The following OR51L1 variants were observed in gnomAD, a reference collection of about 807,000 sequenced individuals.
The protein encoded by OR51L1 is olfactory receptor 51L1.
A neutral mutation model predicts 1.4 loss-of-function variants in OR51L1; 1 was observed. The ratio of observed to expected loss-of-function variants is 0.72; its 90% CI spans 0.26 to 3.42. The LOEUF is 3.42. OR51L1 is among the 30% of genes most tolerant of loss of function. The probability of loss-of-function intolerance (pLI) is 0.20; values close to 1 mark genes in which losing one functional copy is unlikely to be tolerated. For synonymous variants in OR51L1, 156 were observed against 144.2 expected (o/e 1.08, Z -0.59); for missense variants, 378 against 380.0 (o/e 0.99, Z 0.04).
rs1402390103 is a variant in OR51L1 at position 4,999,309 on chromosome 11, C to T, written c.327C>T (p.Phe109=). 1.2e-6 allele frequency: 2 copies of T among 1,614,184 alleles called. No individual in the cohort carries two copies. The highest frequency in any genetic ancestry group is 2.2e-5 in the East Asian group (1 of 44,866). ...CYAQLFFIHT[F]TFLESSVLLA... is the part of the protein sequence containing the mutation. The stretch of plus-strand genomic sequence containing the variant: ...CTCAGCTGTTCTTCATCCACACATT[C>T]ACATTCCTGGAGTCCTCAGTGTTGC... Residue 109 remains phenylalanine, a synonymous_variant, in exon 3 of 3, where the codon TTC becomes TTT. Coordinates refer to ENST00000641819, the MANE Select transcript of OR51L1 (RefSeq NM_001004755.2).
At chr11:4,996,941 G>C (rs1847078801) in intron 1 of OR51L1, among the ~76,000 whole-genome samples, 1 of 152,054 alleles carries the variant, frequency 6.6e-6, no homozygotes, top group South Asian at 2.1e-4. Context: ...AAGTCAGCTA[G>C]TGATATGGAA....
At position 5,001,515 on chromosome 11, in the gene OR51L1, A is replaced by G. The variant is rs1046337899; in HGVS notation, c.*1585A>G. The stretch of plus-strand genomic sequence containing the variant: ...TGTGTCTTAATTTGTGAATGGGTTA[A>G]GAGTTGTGCACAATCTCAACCCTCA... On this transcript the variant is annotated 3_prime_UTR_variant, in exon 3 of 3. Transcript: ENST00000641819. 7.2e-5 allele frequency: 11 copies of G among 152,208 alleles called. No individual in the cohort carries two copies. The highest frequency in any genetic ancestry group is 1.3e-4 in the Admixed American group (2 of 15,282). 9.4% of individuals were successfully genotyped at this position (152,208 alleles called of 1,614,324 possible).
At position 5,003,197 on chromosome 11, in the gene OR51L1, T is replaced by C. The variant is rs2445295; in HGVS notation, c.*3267T>C. The C allele has an allele frequency of 0.07, 10,704 of 152,250 alleles. 581 individuals carry two copies. Among genetic ancestry groups the C allele is most frequent in the East Asian group, 0.27 (1,389 of 5,154 alleles). The allele number at this position is 152,250 out of a possible 1,614,324, so 9.4% of individuals were successfully genotyped here. ...TGAAGGACAAGTGCTGTGTTTAACC[T>C]TAATCCTAGGACCTTATAGTCTGGC... On this transcript the variant is annotated 3_prime_UTR_variant, in exon 3 of 3. Coordinates refer to ENST00000641819, the MANE Select transcript of OR51L1 (RefSeq NM_001004755.2).
Position 5,001,025 on chromosome 11 carries a change from G to T in OR51L1, c.*1095G>T, listed in dbSNP as rs10837110. On this transcript the variant is annotated 3_prime_UTR_variant, in exon 3 of 3. Transcript: ENST00000641819. ...CCTCCTAGGTTCAAGCAATTCTCCT[G>T]CCCCAGCCTCCCGAATAGCTGGGAT... 0.08 allele frequency: 12,166 copies of T among 152,326 alleles called. 624 individuals are homozygous for T. Among genetic ancestry groups the T allele is most frequent in the East Asian group, 0.17 (896 of 5,176 alleles). The allele number at this position is 152,326 out of a possible 1,614,324, so 9.4% of individuals were successfully genotyped here.
At position 4,999,313 on chromosome 11, in the gene OR51L1, TTCCTG is replaced by T; in HGVS notation, c.332_336del (p.Phe111Ter). 1 of 1,614,174 alleles carries T rather than the reference TTCCTG, an allele frequency of 6.2e-7. No homozygotes were observed. The stretch of plus-strand genomic sequence containing the variant: ...GCTGTTCTTCATCCACACATTCACA[TTCCTG>T]GAGTCCTCAGTGTTGCTGGCCATGG... On this transcript the variant is annotated frameshift_variant, in exon 3 of 3. Coordinates refer to ENST00000641819, the MANE Select transcript of OR51L1 (RefSeq NM_001004755.2). LOFTEE classifies it low-confidence loss of function (END_TRUNC).
Position 5,004,442 on chromosome 11 carries a change from T to C in OR51L1, c.*4512T>C, listed in dbSNP as rs1589829987. 2 of 152,230 alleles carry C rather than the reference T, an allele frequency of 1.3e-5. No homozygotes were observed. Among genetic ancestry groups the C allele is most frequent in the African/African-American group, 2.4e-5 (1 of 41,556 alleles). The allele number at this position is 152,230 out of a possible 1,614,324, so 9.4% of individuals were successfully genotyped here. ...TGGAAACACCCCTCCAGGGTCCAAATAGGTTATTTGGGAAGCCAGTCCCTA... is the reference window on the plus strand; with the variant it reads ...TGGAAACACCCCTCCAGGGTCCAAACAGGTTATTTGGGAAGCCAGTCCCTA... On this transcript the variant is annotated 3_prime_UTR_variant, in exon 3 of 3. Transcript: ENST00000641819.
chr11:4,996,721 T>TTTCTTTCTTTCTTTCTTTCTTTC (rs1554896493), intron 1 of OR51L1, among the ~76,000 whole-genome samples: 8 of 106,356 alleles, frequency 7.5e-5, no homozygotes, highest in African/African-American at 1.1e-4. Context: ...CTTTCTTTTC[T>TTTCTTTCTTTCTTTCTTTCTTTC]TTTCTTTCTT....
intron 1 of OR51L1, among the ~76,000 whole-genome samples, chr11:4,996,071 G>A (rs774176853): frequency 3.3e-5 from 5 of 152,022 alleles, no homozygotes; most frequent in Non-Finnish European, 7.4e-5. Flanking sequence ...ACTCTTTTCA[G>A]GTGAGGGATA....
chr11:4,996,468 G>A (rs745405734), intron 1 of OR51L1, among the ~76,000 whole-genome samples: 13 of 152,056 alleles, frequency 8.5e-5, no homozygotes, highest in Non-Finnish European at 1.8e-4. Context: ...TCTGCACATA[G>A]GGGACTTGCA....
At position 5,001,035 on chromosome 11, in the gene OR51L1, C is replaced by T. The variant is rs538512996; in HGVS notation, c.*1105C>T. 8 of 152,434 alleles carry T rather than the reference C, an allele frequency of 5.2e-5. No individual in the cohort carries two copies. The East Asian group carries it at 1.5e-3, about 29-fold the overall frequency. 9.4% of individuals were successfully genotyped at this position (152,434 alleles called of 1,614,324 possible). A position where few individuals can be genotyped will look rare whatever the true frequency, so the allele number is the denominator to read the frequency against. ...TCAAGCAATTCTCCTGCCCCAGCCT[C>T]CCGAATAGCTGGGATGACAGGTCTG... On this transcript the variant is annotated 3_prime_UTR_variant, in exon 3 of 3. Coordinates refer to ENST00000641819, the MANE Select transcript of OR51L1 (RefSeq NM_001004755.2).
rs1389387014 is a variant in OR51L1, at chr11:5,004,086, G to T, written c.*4156G>T. On this transcript the variant is annotated 3_prime_UTR_variant, in exon 3 of 3. Coordinates refer to ENST00000641819, the MANE Select transcript of OR51L1 (RefSeq NM_001004755.2). Reference sequence around the variant, plus strand: ...AGACAACGCTGAGTAATACCCTAGAGCTAAGAGAGAATATTGAAAGAAAAA... The same window carrying T: ...AGACAACGCTGAGTAATACCCTAGATCTAAGAGAGAATATTGAAAGAAAAA... The T allele has an allele frequency of 1.3e-5, 2 of 152,094 alleles. No homozygotes were observed. Among genetic ancestry groups the T allele is most frequent in the Non-Finnish European group, 1.5e-5 (1 of 68,020 alleles). 9.4% of individuals were successfully genotyped at this position (152,094 alleles called of 1,614,324 possible). A position where few individuals can be genotyped will look rare whatever the true frequency, so the allele number is the denominator to read the frequency against.
rs1219455864 is a variant in OR51L1 at position 4,999,510 on chromosome 11, C to G, written c.528C>G (p.Leu176=). The change falls in exon 3 of 3, where the codon CTC becomes CTG. Residue 176 remains leucine (L), a synonymous_variant. Coordinates refer to ENST00000641819, the MANE Select transcript of OR51L1 (RefSeq NM_001004755.2). ...ATCACTACTGCCATGGCAATGCCCT[C>G]TCTCACGCCTTCTGTTTGCACCAGG... The part of the protein sequence containing the change: ...RHYHYCHGNA[L]SHAFCLHQDV... 1.9e-6 allele frequency: 3 copies of G among 1,614,104 alleles called. No individual in the cohort carries two copies. Among genetic ancestry groups the G allele is most frequent in the South Asian group, 1.1e-5 (1 of 91,080 alleles).
chr11:4,996,431 A>G (rs1016624309), intron 1 of OR51L1, among the ~76,000 whole-genome samples: 6 of 152,166 alleles, frequency 3.9e-5, no homozygotes, highest in African/African-American at 1.2e-4. Flanking sequence ...TGGCCAGTCT[A>G]CAACTGAAGT....
In OR51L1 at chr11:5,003,509, A is replaced by G. The variant is rs980023371; in HGVS notation, c.*3579A>G. On this transcript the variant is annotated 3_prime_UTR_variant, in exon 3 of 3. Coordinates refer to ENST00000641819, the MANE Select transcript of OR51L1 (RefSeq NM_001004755.2). ...TGGCCTCTCCCTGGCGCAGGCTGCCAATTTATCACTTTTAGAGAGGCAATG... is the reference window on the plus strand; with the variant it reads ...TGGCCTCTCCCTGGCGCAGGCTGCCGATTTATCACTTTTAGAGAGGCAATG... The G allele has an allele frequency of 6.6e-6, 1 of 152,202 alleles. No homozygotes were observed. The highest frequency in any genetic ancestry group is 1.5e-5 in the Non-Finnish European group (1 of 68,100). 9.4% of individuals were successfully genotyped at this position (152,202 alleles called of 1,614,324 possible).
At position 4,999,960 on chromosome 11, in the gene OR51L1, A is replaced by G. The variant is rs1318865681; in HGVS notation, c.*30A>G. The G allele has an allele frequency of 1.9e-6, 3 of 1,555,970 alleles. No homozygotes were observed. Among genetic ancestry groups the G allele is most frequent in the East Asian group, 2.3e-5 (1 of 44,304 alleles). On this transcript the variant is annotated 3_prime_UTR_variant, in exon 3 of 3. Transcript: ENST00000641819. ...CCTCTGTCCTCCAACTTTTCCACTGAAAATCTCATGGAAGCTGTTTTAGTA... is the reference window on the plus strand; with the variant it reads ...CCTCTGTCCTCCAACTTTTCCACTGGAAATCTCATGGAAGCTGTTTTAGTA...
rs889225037 is a variant in OR51L1, at chr11:5,000,495, G to A, written c.*565G>A. The A allele has an allele frequency of 3.3e-5, 5 of 152,666 alleles. No homozygotes were observed. The highest frequency in any genetic ancestry group is 5.8e-5 in the Non-Finnish European group (4 of 68,400). 9.5% of individuals were successfully genotyped at this position (152,666 alleles called of 1,614,324 possible). Reference sequence around the variant, plus strand: ...AGTTCTAATCTCATCACTTAGTGATGTGTCCTTTCTCTCATTGCTATTCTA... The same window carrying A: ...AGTTCTAATCTCATCACTTAGTGATATGTCCTTTCTCTCATTGCTATTCTA... On this transcript the variant is annotated 3_prime_UTR_variant, in exon 3 of 3. Coordinates refer to ENST00000641819, the MANE Select transcript of OR51L1 (RefSeq NM_001004755.2).
Position 5,004,019 on chromosome 11 carries a change from T to G in OR51L1, c.*4089T>G, listed in dbSNP as rs1383961215. The stretch of plus-strand genomic sequence containing the variant: ...TTTGAATAGAGTTTATAAATACAAA[T>G]ACTTATTAATTTCATAAGGAAATCA... On this transcript the variant is annotated 3_prime_UTR_variant, in exon 3 of 3. Transcript: ENST00000641819. The G allele has an allele frequency of 2.0e-5, 3 of 152,132 alleles. No homozygotes were observed. The highest frequency in any genetic ancestry group is 2.9e-5 in the Non-Finnish European group (2 of 68,026). The allele number at this position is 152,132 out of a possible 1,614,324, so 9.4% of individuals were successfully genotyped here. A position where few individuals can be genotyped will look rare whatever the true frequency, so the allele number is the denominator to read the frequency against.
intron 1 of OR51L1, 94 bp downstream of exon 1, chr11:4,995,429 AGAT>A (rs1335845523): frequency 2.6e-5 from 4 of 152,106 alleles, no homozygotes; most frequent in African/African-American, 7.2e-5. Flanking sequence ...ATTATGAGAA[AGAT>A]GATGTACCAT....
In OR51L1 at chr11:5,000,068, T is replaced by A; in HGVS notation, c.*138T>A. 1 of 929,520 alleles carries A rather than the reference T, an allele frequency of 1.1e-6. No homozygotes were observed. The allele number at this position is 929,520 out of a possible 1,614,324, so 57.6% of individuals were successfully genotyped here. ...TTCTTATACATGTAATTTCAGTTAA[T>A]CTTTAACCAATATGAAACTCAGGAT... On this transcript the variant is annotated 3_prime_UTR_variant, in exon 3 of 3. Coordinates refer to ENST00000641819, the MANE Select transcript of OR51L1 (RefSeq NM_001004755.2).
Sources: gnomAD v4.1 joint callset for allele counts (sites outside exome capture counted in the v4.1 genomes callset) on GRCh38, gnomAD v4.1.1 for gene constraint, MANE v1.5 for transcripts, NCBI Gene and HGNC (gene_info 2026-07-23, HGNC 2026-07-21) for gene names.